MCTP1: variants seen among roughly 807,000 people sequenced by gnomAD.
MCTP1 encodes the protein multiple C2 and transmembrane domain-containing protein 1.
In MCTP1, 69 loss-of-function variants were observed where a neutral mutation model predicts 120.6. The observed-to-expected ratio is 0.57, with a 90% CI of 0.47 to 0.70. The LOEUF (loss-of-function observed/expected upper bound fraction) is 0.70, where lower values mean the gene tolerates loss of function less well. Ranked by LOEUF, MCTP1 falls within the 30% of genes least tolerant of loss-of-function variation. The pLI is 0.00. For missense variants in MCTP1, 1,203 were observed against 1,248.8 expected, an observed-to-expected ratio of 0.96 and a Z score of 0.55; for synonymous variants, 529 against 493.1, an observed-to-expected ratio of 1.07 and a Z score of -0.96.
chr5:94,968,470 G>A (rs1365646341), intron 2 of MCTP1, among the ~76,000 whole-genome samples: 2 of 152,098 alleles, frequency 1.3e-5, no homozygotes, highest in East Asian at 1.9e-4. Flanking sequence ...GAAATTACAC[G>A]TTTTCAAGAT....
chr5:95,233,152 C>T lies in MCTP1; in HGVS notation c.720+50704G>A, dbSNP rs114636900. ...TATCCAACACTTCTTTTCAAGTGCA[C>T]GCACAATATTTACCAAAACAGACAA... On this transcript the variant is annotated intron_variant, in intron 1 of 22. Transcript: ENST00000515393. Among the ~76,000 whole-genome samples, 445 of 152,244 alleles carry T rather than the reference C, an allele frequency of 2.9e-3. 2 individuals are homozygous for T. Among genetic ancestry groups the T allele is most frequent in the African/African-American group, 6.5e-3 (272 of 41,542 alleles).
At chr5:94,927,514 A>G (rs1239196511) in intron 6 of MCTP1, among the ~76,000 whole-genome samples, 1 of 152,162 alleles carries the variant, frequency 6.6e-6, no homozygotes, top group African/African-American at 2.4e-5. Flanking sequence ...TTGGTCACTC[A>G]TAGTTGAGAA....
At chr5:94,891,712 T>A (rs1322553392) in intron 11 of MCTP1, among the ~76,000 whole-genome samples, 1 of 151,442 alleles carries the variant, frequency 6.6e-6, no homozygotes, top group Non-Finnish European at 1.5e-5. Context: ...TTTCAACGGT[T>A]TAGGCCAGTG....
At chr5:94,878,445 A>G (rs1221561614) in intron 12 of MCTP1, among the ~76,000 whole-genome samples, 1 of 152,132 alleles carries the variant, frequency 6.6e-6, no homozygotes, top group East Asian at 1.9e-4. Context: ...GTCATGAAGC[A>G]GATTTCATTA....
At chr5:94,837,861 A>G (rs925379590) in intron 17 of MCTP1, among the ~76,000 whole-genome samples, 2 of 152,214 alleles carry the variant, frequency 1.3e-5, no homozygotes, top group African/African-American at 4.8e-5. Context: ...GTATTAATTT[A>G]TATATTTAAC....
At chr5:95,188,968 G>A (rs371726472) in intron 1 of MCTP1, among the ~76,000 whole-genome samples, 19 of 152,224 alleles carry the variant, frequency 1.2e-4, no homozygotes, top group African/African-American at 3.1e-4. Flanking sequence ...TCTGTGTTAT[G>A]TCTTAAAATC....
At chr5:94,847,686 A>G (rs553649543) in intron 17 of MCTP1, among the ~76,000 whole-genome samples, 3,562 of 138,798 alleles carry the variant, frequency 0.026, 74 homozygotes, top group African/African-American at 0.05. Flanking sequence ...GTGTGTGTAT[A>G]TATATATATA....
At chr5:95,235,386 C>T (rs1755426080) in intron 1 of MCTP1, among the ~76,000 whole-genome samples, 1 of 151,650 alleles carries the variant, frequency 6.6e-6, no homozygotes, top group Non-Finnish European at 1.5e-5. Context: ...TGCTTTTTTC[C>T]TAAGATTAGC....
intron 17 of MCTP1, among the ~76,000 whole-genome samples, chr5:94,842,097 C>T (rs959914704): frequency 2.6e-5 from 4 of 152,158 alleles, no homozygotes; most frequent in Admixed American, 2.0e-4. Flanking sequence ...TCATACGCAA[C>T]GCTGTTAGAA....
At chr5:94,954,739 T>C (rs544457281) in intron 2 of MCTP1, among the ~76,000 whole-genome samples, 13 of 152,336 alleles carry the variant, frequency 8.5e-5, no homozygotes, top group African/African-American at 3.1e-4. Context: ...ACTAGTCTAA[T>C]GGGCTTAGGA....
At chr5:95,278,689 A>G (rs942774986) in intron 1 of MCTP1, among the ~76,000 whole-genome samples, 1 of 152,168 alleles carries the variant, frequency 6.6e-6, no homozygotes, top group African/African-American at 2.4e-5. Context: ...CAAGCCAGGC[A>G]TGGTGGCTCA....
At chr5:95,256,703 A>G (rs1004320222) in intron 1 of MCTP1, among the ~76,000 whole-genome samples, 4 of 152,204 alleles carry the variant, frequency 2.6e-5, no homozygotes, top group African/African-American at 9.6e-5. Flanking sequence ...TCTGCCTAAT[A>G]AACTTTTCAG....
chr5:94,957,215 C>T (rs1001488155), intron 2 of MCTP1, among the ~76,000 whole-genome samples: 1 of 152,090 alleles, frequency 6.6e-6, no homozygotes, highest in African/African-American at 2.4e-5. Flanking sequence ...CAAGCAAATG[C>T]TGAGAGATTT....
chr5:94,947,577 T>TATATAGAGAGAGAGAGAGAG, intron 3 of MCTP1, among the ~76,000 whole-genome samples: 22 of 47,394 alleles, frequency 4.6e-4, no homozygotes, highest in Non-Finnish European at 7.6e-4. Context: ...TATATATATA[T>TATATAGAGAGAGAGAGAGAG]AGAGAGAGAG....
chr5:94,868,474 T>C (rs1305667739), intron 16 of MCTP1, 22 bp from the exon 17 acceptor site: 1 of 1,555,214 alleles, frequency 6.4e-7, no homozygotes, highest in Non-Finnish European at 8.7e-7. Flanking sequence ...ATGAAAATAT[T>C]ATTATAATTT....
At chr5:95,013,590 A>C (rs1351770264) in intron 2 of MCTP1, among the ~76,000 whole-genome samples, 15 of 152,166 alleles carry the variant, frequency 9.9e-5, no homozygotes, top group Non-Finnish European at 1.6e-4. Context: ...CCTGTGCCCT[A>C]TAAATGAAGC....
intron 1 of MCTP1, among the ~76,000 whole-genome samples, chr5:95,048,899 T>G (rs1466317839): frequency 6.6e-6 from 1 of 152,160 alleles, no homozygotes; most frequent in Non-Finnish European, 1.5e-5. Context: ...AAAGAGCTCT[T>G]GATGCTTCAG....
chr5:95,201,479 T>G (rs1273667325), intron 1 of MCTP1, among the ~76,000 whole-genome samples: 12 of 4,676 alleles, frequency 2.6e-3, no homozygotes, highest in South Asian at 0.015. Flanking sequence ...TTTTTTTTTT[T>G]TTTTTTTTTT....
chr5:95,267,680 C>G (rs459730), intron 1 of MCTP1, among the ~76,000 whole-genome samples: 1 of 152,132 alleles, frequency 6.6e-6, no homozygotes, highest in Non-Finnish European at 1.5e-5. Flanking sequence ...ATTCCCAGAC[C>G]AAGGACATGA....
Sources: gnomAD v4.1 joint callset for allele counts (sites outside exome capture counted in the v4.1 genomes callset) on GRCh38, gnomAD v4.1.1 for gene constraint, MANE v1.5 for transcripts, NCBI Gene and HGNC (gene_info 2026-07-23, HGNC 2026-07-21) for gene names.